The following PEDS1 variants were observed in gnomAD, a reference collection of about 807,000 sequenced individuals.
The protein encoded by PEDS1 is plasmanylethanolamine desaturase 1.
Under a neutral mutation model 35.2 loss-of-function variants are expected in PEDS1, and 14 were observed. That is an observed-to-expected ratio of 0.40 (90% CI 0.26 to 0.62). The LOEUF (loss-of-function observed/expected upper bound fraction) is 0.62. PEDS1 is among the 20% of genes least tolerant of loss of function. The probability of loss-of-function intolerance (pLI) is 0.44; values close to 1 mark genes in which losing one functional copy is unlikely to be tolerated. For missense variants in PEDS1, 260 were observed against 367.8 expected (o/e 0.71, Z 2.40); for synonymous variants, 152 against 152.0 (o/e 1.00, Z 0.00).
At chr20:50,152,202 A>G (rs550907406) in intron 1 of PEDS1, among the ~76,000 whole-genome samples, 1 of 152,272 alleles carries the variant, frequency 6.6e-6, no homozygotes, top group African/African-American at 2.4e-5. Context: ...CAGAGAATGG[A>G]GTGGTCTAGG....
At chr20:50,132,266 A>T (rs1390304239) in intron 2 of PEDS1, among the ~76,000 whole-genome samples, 1 of 152,194 alleles carries the variant, frequency 6.6e-6, no homozygotes, top group Non-Finnish European at 1.5e-5. Flanking sequence ...AATGCCAAGC[A>T]CAAATGCTTT....
At chr20:50,127,549 T>C (rs2081122194) in intron 5 of PEDS1, among the ~76,000 whole-genome samples, 1 of 152,180 alleles carries the variant, frequency 6.6e-6, no homozygotes, top group Non-Finnish European at 1.5e-5. Context: ...TTTCACCATG[T>C]TGGCCAGGCT....
rs527737272 is a variant in PEDS1, at chr20:50,148,411, T to G, written c.122-4790A>C. ...TGCTCAGGACACAGGAGGCCCGGGC[T>G]GTCTTCTGGCTGTAGTGCTGAGGTC... On this transcript the variant is annotated intron_variant, in intron 1 of 5. Coordinates refer to ENST00000371652, the MANE Select transcript of PEDS1 (RefSeq NM_199129.4). Among the ~76,000 whole-genome samples, 3 of 152,314 alleles carry G rather than the reference T, an allele frequency of 2.0e-5. No individual in the cohort carries two copies. In the East Asian group the frequency reaches 5.8e-4, roughly 29 times the overall value.
chr20:50,125,377 A>G (rs1049066634), intron 5 of PEDS1, among the ~76,000 whole-genome samples, 198 bp from the exon 6 acceptor site: 5 of 152,138 alleles, frequency 3.3e-5, no homozygotes, highest in African/African-American at 1.2e-4. Flanking sequence ...TCCAACCCCC[A>G]TATTCCTCTA....
intron 2 of PEDS1, among the ~76,000 whole-genome samples, chr20:50,139,220 C>A (rs772130328): frequency 9.9e-5 from 15 of 152,138 alleles, no homozygotes; most frequent in Non-Finnish European, 1.8e-4. Context: ...CTCCCAAGGT[C>A]CACGAAGGAC....
intron 1 of PEDS1, chr20:50,151,445 C>A: frequency 1.9e-6 from 1 of 514,176 alleles, no homozygotes; most frequent in Non-Finnish European, 3.7e-6. Context: ...TTCACAGGAG[C>A]AGGCAGAGCT....
intron 2 of PEDS1, among the ~76,000 whole-genome samples, chr20:50,139,243 A>C (rs1364293261): frequency 6.6e-6 from 1 of 152,054 alleles, no homozygotes; most frequent in East Asian, 1.9e-4. Flanking sequence ...TGCTCCTTTA[A>C]GGGCCAACTC....
chr20:50,146,695 G>C (rs2081348648), intron 1 of PEDS1, among the ~76,000 whole-genome samples: 1 of 152,154 alleles, frequency 6.6e-6, no homozygotes, highest in African/African-American at 2.4e-5. Flanking sequence ...AAGGGGAACG[G>C]AACACACCAG....
At chr20:50,153,036 G>A (rs969026503) in intron 1 of PEDS1, among the ~76,000 whole-genome samples, 1 of 152,032 alleles carries the variant, frequency 6.6e-6, no homozygotes, top group African/African-American at 2.4e-5. Flanking sequence ...CAGGGCCTGG[G>A]CTAGGGCACA....
intron 2 of PEDS1, 143 bp downstream of exon 2, chr20:50,143,359 C>T: frequency 7.3e-7 from 1 of 1,364,838 alleles, no homozygotes; most frequent in South Asian, 1.4e-5. Context: ...CTGCTGACTG[C>T]AATAGGGAGG....
At chr20:50,126,820 TC>T in intron 5 of PEDS1, among the ~76,000 whole-genome samples, 1 of 152,284 alleles carries the variant, frequency 6.6e-6, no homozygotes, top group South Asian at 2.1e-4. Flanking sequence ...TCCTTTCCCT[TC>T]CTCCACTGCA....
At chr20:50,133,263 G>A (rs1370583086) in intron 2 of PEDS1, among the ~76,000 whole-genome samples, 2 of 150,714 alleles carry the variant, frequency 1.3e-5, no homozygotes, top group Admixed American at 6.7e-5. Context: ...AGGCCCTGTG[G>A]TATCCATCAC....
chr20:50,142,865 A>G (rs2081308130), intron 2 of PEDS1, among the ~76,000 whole-genome samples: 1 of 152,080 alleles, frequency 6.6e-6, no homozygotes, highest in Non-Finnish European at 1.5e-5. Flanking sequence ...AGAGAATGGC[A>G]CATGCAAAAG....
Position 50,128,004 on chromosome 20 carries a change from G to T in PEDS1, c.662C>A (p.Pro221His). The T allele has an allele frequency of 1.2e-6, 2 of 1,614,170 alleles. No individual in the cohort carries two copies. Among genetic ancestry groups the T allele is most frequent in the Non-Finnish European group, 1.7e-6 (2 of 1,180,026 alleles). ...GGTGATGCAGAAGTAGGTCTCGTGG[G>T]GTGAGACGTGGTGGATGCGATGGTG... is the stretch of plus-strand genomic sequence containing the variant. ...RKHHRIHHVS[P>H]HETYFCITTG... is the part of the protein sequence containing the mutation. Residue 221 changes from proline to histidine, a missense_variant, in exon 5 of 6, where the codon CCC becomes CAC. This residue lies in a region of PEDS1 where 83 missense variants were observed against 142.8 expected (regional missense o/e 0.58). Transcript: ENST00000371652. This position sits in a 1 kb window ranked among gnomAD's most constrained non-coding sequence, Gnocchi z 5.2.
Position 50,129,746 on chromosome 20 carries a change from C to T in PEDS1, c.334-56G>A, listed in dbSNP as rs1473378402. ...TCAGCCTAAGGTGGTCAGCTGCTCT[C>T]CACAGCCCCCTAAACACATTCACCC... On this transcript the variant is annotated intron_variant, in intron 3 of 5. Coordinates refer to ENST00000371652, the MANE Select transcript of PEDS1 (RefSeq NM_199129.4). This position sits in a 1 kb window ranked among gnomAD's most constrained non-coding sequence, Gnocchi z 4.2. The T allele has an allele frequency of 3.1e-6, 5 of 1,601,824 alleles. No individual in the cohort carries two copies. Among genetic ancestry groups the T allele is most frequent in the Non-Finnish European group, 3.4e-6 (4 of 1,174,908 alleles).
intron 2 of PEDS1, 105 bp from the exon 3 acceptor site, chr20:50,131,052 G>T (rs754118990): frequency 1.3e-6 from 2 of 1,589,110 alleles, no homozygotes; most frequent in Admixed American, 1.8e-5. Context: ...GGAGGGGAAG[G>T]TGTCCCTTCT....
At chr20:50,143,420 G>C in intron 2 of PEDS1, 82 bp downstream of exon 2, 2 of 1,541,092 alleles carry the variant, frequency 1.3e-6, no homozygotes, top group Non-Finnish European at 1.8e-6. Context: ...CCATGCATGT[G>C]GACACACACA....
At position 50,153,719 on chromosome 20, in the gene PEDS1, C is replaced by G; in HGVS notation, c.-82G>C. On this transcript the variant is annotated 5_prime_UTR_variant, in exon 1 of 6. Coordinates refer to ENST00000371652, the MANE Select transcript of PEDS1 (RefSeq NM_199129.4). The stretch of plus-strand genomic sequence containing the variant: ...CGGAACCGCGGCGAGATCACGCCGC[C>G]CAATGACCGCCCAGCGCCGGGCGCG... The G allele has an allele frequency of 8.9e-7, 1 of 1,119,458 alleles. No individual in the cohort carries two copies. Among genetic ancestry groups the G allele is most frequent in the Non-Finnish European group, 1.1e-6 (1 of 917,254 alleles). 69.3% of individuals were successfully genotyped at this position (1,119,458 alleles called of 1,614,324 possible). A position where few individuals can be genotyped will look rare whatever the true frequency, so the allele number is the denominator to read the frequency against.
At chr20:50,138,663 G>A (rs190870695) in intron 2 of PEDS1, among the ~76,000 whole-genome samples, 19 of 152,234 alleles carry the variant, frequency 1.2e-4, no homozygotes, top group Non-Finnish European at 2.5e-4. Context: ...TGATCTTGCG[G>A]CCTCTGCCGG....
Sources: allele counts gnomAD v4.1 joint callset (sites outside exome capture counted in the v4.1 genomes callset), GRCh38; gene constraint gnomAD v4.1.1; regional missense constraint gnomAD v4.1.1; non-coding constraint Gnocchi (gnomAD v3.1); transcripts MANE v1.5; gene names NCBI Gene and HGNC (gene_info 2026-07-23, HGNC 2026-07-21).